Variants in ABCA3 observed in about 807,000 individuals in gnomAD.
ABCA3 encodes the protein ATP binding cassette subfamily A member 3.
A neutral mutation model predicts 172.8 loss-of-function variants in ABCA3; 88 were observed. The ratio of observed to expected loss-of-function variants is 0.51; its 90% CI spans 0.43 to 0.61. The LOEUF is 0.61. ABCA3 is among the 20% of genes least tolerant of loss of function. The pLI is 0.00. For synonymous variants in ABCA3, 1,066 were observed against 983.8 expected (o/e 1.08, Z -1.56); for missense variants, 2,164 against 2,301.0 (o/e 0.94, Z 1.22).
chr16:2,317,714 C>G lies in ABCA3; in HGVS notation c.924G>C (p.Trp308Cys). The G allele has an allele frequency of 6.2e-7, 1 of 1,614,250 alleles. No homozygotes were observed. Among genetic ancestry groups the G allele is most frequent in the South Asian group, 1.1e-5 (1 of 91,090 alleles). The change falls in exon 9 of 33, where the codon TGG (tryptophan) becomes TGC (cysteine). Residue 308 changes from tryptophan to cysteine, a missense_variant. Physicochemically the swap from Trp to Cys is radical, Grantham distance 215. Transcript: ENST00000301732. The part of the protein sequence containing the change: ...GLSSWLHWSA[W>C]FLLFFLFLLI... ...GGAGGAAGAGGAAGAACAAGAGGAA[C>G]CAGGCACTCCAGTGCAGCCAGCTGC...
At position 2,278,931 on chromosome 16, in the gene ABCA3, C is replaced by T. The variant is rs1157792853; in HGVS notation, c.4547+12G>A. Reference sequence around the variant, plus strand: ...CTCCACTCTGGGAAGGGCCAGGGCTCGGGAGGTGCACCTGTACGTCCTGAC... The same window carrying T: ...CTCCACTCTGGGAAGGGCCAGGGCTTGGGAGGTGCACCTGTACGTCCTGAC... On this transcript the variant is annotated intron_variant, in intron 29 of 32. Transcript: ENST00000301732. The surrounding 1 kb of genome is among the most constrained non-coding windows in gnomAD (Gnocchi z 4.4). 5 of 1,613,224 alleles carry T rather than the reference C, an allele frequency of 3.1e-6. No homozygotes were observed. The highest frequency in any genetic ancestry group is 1.3e-5 in the African/African-American group (1 of 74,920).
intron 3 of ABCA3, 110 bp from the exon 4 acceptor site, chr16:2,326,602 T>G: frequency 1.6e-6 from 2 of 1,224,200 alleles, no homozygotes; most frequent in South Asian, 1.3e-5. Context: ...CACCTTCTTT[T>G]GTGCCACTTT....
intron 8 of ABCA3, among the ~76,000 whole-genome samples, chr16:2,319,047 T>G (rs988855264): frequency 6.6e-6 from 1 of 152,048 alleles, no homozygotes; most frequent in African/African-American, 2.4e-5. Flanking sequence ...ACCAAGCAGA[T>G]GAACAACTGG....
intron 1 of ABCA3, among the ~76,000 whole-genome samples, chr16:2,331,585 T>G (rs1227074757): frequency 6.6e-6 from 1 of 152,234 alleles, no homozygotes; most frequent in African/African-American, 2.4e-5. Flanking sequence ...AACACTACGC[T>G]TGCATCTGTT....
intron 10 of ABCA3, among the ~76,000 whole-genome samples, chr16:2,313,144 T>A (rs1261952992): frequency 6.6e-6 from 1 of 152,170 alleles, no homozygotes; most frequent in Non-Finnish European, 1.5e-5. Flanking sequence ...GTGATAAGTA[T>A]GGCTTGGTGT....
At chr16:2,325,919 G>T (rs2093733453) in intron 5 of ABCA3, 91 bp downstream of exon 5, 2 of 1,578,446 alleles carry the variant, frequency 1.3e-6, no homozygotes, top group South Asian at 1.1e-5. Context: ...TCCTCACCCA[G>T]CTGCTTCGCA....
chr16:2,321,397 C>T (rs915874206), intron 7 of ABCA3, among the ~76,000 whole-genome samples: 2 of 152,308 alleles, frequency 1.3e-5, no homozygotes, highest in African/African-American at 4.8e-5. Context: ...CATCGCTAAG[C>T]GCTGGCTGCA....
intron 10 of ABCA3, 24 bp downstream of exon 10, chr16:2,317,259 C>A: frequency 1.2e-6 from 2 of 1,613,700 alleles, no homozygotes; most frequent in Non-Finnish European, 1.7e-6. Flanking sequence ...GGCAACCCCA[C>A]TCTGCCCCAT....
chr16:2,279,223 A>G lies in ABCA3; in HGVS notation c.4360-93T>C. On this transcript the variant is annotated intron_variant, in intron 28 of 32. Transcript: ENST00000301732. The surrounding 1 kb of genome is among the most constrained non-coding windows in gnomAD (Gnocchi z 4.4). ...GGGGACTACCCTTGAGGTGCCCACC[A>G]CTGCGCCTGTCTGTGGTTCCTGCCA... The G allele has an allele frequency of 7.0e-7, 1 of 1,437,900 alleles. No individual in the cohort carries two copies. The highest frequency in any genetic ancestry group is 9.5e-7 in the Non-Finnish European group (1 of 1,050,522). 89.1% of individuals were successfully genotyped at this position (1,437,900 alleles called of 1,614,324 possible). A position where few individuals can be genotyped will look rare whatever the true frequency, so the allele number is the denominator to read the frequency against.
intron 1 of ABCA3, among the ~76,000 whole-genome samples, chr16:2,340,315 C>G (rs2093758731): frequency 6.6e-6 from 1 of 152,020 alleles, no homozygotes; most frequent in African/African-American, 2.4e-5. Flanking sequence ...GTGCGGGACA[C>G]GCCCAAGGCT....
rs1312504425 is a variant in ABCA3, at chr16:2,276,229, C to T, written c.*445G>A. 6.7e-6 allele frequency: 3 copies of T among 445,384 alleles called. No individual in the cohort carries two copies. Among genetic ancestry groups the T allele is most frequent in the Non-Finnish European group, 1.4e-5 (3 of 220,660 alleles). 27.6% of individuals were successfully genotyped at this position (445,384 alleles called of 1,614,324 possible). A position where few individuals can be genotyped will look rare whatever the true frequency, so the allele number is the denominator to read the frequency against. The stretch of plus-strand genomic sequence containing the variant: ...GATCTGCATGGTCCATTCCTGGCGG[C>T]CTGGGGGCCTCGCTACAGTTCAACC... On this transcript the variant is annotated 3_prime_UTR_variant, in exon 33 of 33. Transcript: ENST00000301732.
chr16:2,304,187 C>G, intron 11 of ABCA3, 37 bp from the exon 12 acceptor site: 1 of 1,613,476 alleles, frequency 6.2e-7, no homozygotes, highest in Non-Finnish European at 8.5e-7. Flanking sequence ...CGAAAGCCAG[C>G]AGGCTGGGGG....
At position 2,279,024 on chromosome 16, in the gene ABCA3, C is replaced by G; in HGVS notation, c.4466G>C (p.Arg1489Pro). ...GTTCTCCACGCAGGCCCCGATGTGG[C>G]GCTCAGGGATGCCCCGGAGCCGAGC... ...MYARLRGIPE[R>P]HIGACVENTL... Residue 1489 changes from arginine to proline, a missense_variant, in exon 29 of 33, where the codon CGC (arginine) becomes CCC (proline). Arg to Pro is a moderately radical substitution (Grantham distance 103). This residue lies in a region of ABCA3 where 795 missense variants were observed against 881.9 expected (regional missense o/e 0.90). Transcript: ENST00000301732. The surrounding 1 kb of genome is among the most constrained non-coding windows in gnomAD (Gnocchi z 4.4). 6.2e-7 allele frequency: 1 copy of G among 1,613,524 alleles called. No homozygotes were observed. Among genetic ancestry groups the G allele is most frequent in the South Asian group, 1.1e-5 (1 of 91,080 alleles).
At chr16:2,299,666 G>A in intron 13 of ABCA3, 134 bp from the exon 14 acceptor site, 1 of 1,409,438 alleles carries the variant, frequency 7.1e-7, no homozygotes, top group Non-Finnish European at 9.9e-7. Flanking sequence ...AGAGGGGAGG[G>A]ACGTTTCGGG....
At position 2,298,683 on chromosome 16, in the gene ABCA3, C is replaced by A. The variant is rs930965687; in HGVS notation, c.1742-143G>T. The A allele has an allele frequency of 3.1e-6, 3 of 976,832 alleles. No homozygotes were observed. In the African/African-American group the frequency reaches 4.9e-5, roughly 16 times the overall value. 60.5% of individuals were successfully genotyped at this position (976,832 alleles called of 1,614,324 possible). On this transcript the variant is annotated intron_variant, in intron 14 of 32. Coordinates refer to ENST00000301732, the MANE Select transcript of ABCA3 (RefSeq NM_001089.3). ...GAGAGGGCACGGAACCCCACTCCCA[C>A]TGGGGTGGGCTTTGGCTGGGCCAGT...
In ABCA3 at chr16:2,288,063, T is replaced by A; in HGVS notation, c.2967A>T (p.Ala989=). 6.2e-7 allele frequency: 1 copy of A among 1,612,252 alleles called. No individual in the cohort carries two copies. Among genetic ancestry groups the A allele is most frequent in the Non-Finnish European group, 8.5e-7 (1 of 1,180,014 alleles). Residue 989 remains alanine (A), a synonymous_variant, in exon 21 of 33, where the codon GCA becomes GCT. Transcript: ENST00000301732. Reference sequence around the variant, plus strand: ...GGGGCTCCTGTCCCTCAGCCTGCAGTGCGTCTTTCAGATGCTCTGACAGCT... The same window carrying A: ...GGGGCTCCTGTCCCTCAGCCTGCAGAGCGTCTTTCAGATGCTCTGACAGCT... ...GQQLSEHLKD[A]LQAEGQEPRE...
At position 2,279,592 on chromosome 16, in the gene ABCA3, C is replaced by T. The variant is rs943668317; in HGVS notation, c.4360-462G>A. Among the ~76,000 whole-genome samples, 1 of 152,180 alleles carries T rather than the reference C, an allele frequency of 6.6e-6. No homozygotes were observed. The highest frequency in any genetic ancestry group is 1.5e-5 in the Non-Finnish European group (1 of 68,038). On this transcript the variant is annotated intron_variant, in intron 28 of 32. Coordinates refer to ENST00000301732, the MANE Select transcript of ABCA3 (RefSeq NM_001089.3). The surrounding 1 kb of genome is among the most constrained non-coding windows in gnomAD (Gnocchi z 4.4). ...AGCAGCTGTTCTCTGCACAAGTGACCACGTCCAGCTGAATTAAGACGTGCC... is the reference window on the plus strand; with the variant it reads ...AGCAGCTGTTCTCTGCACAAGTGACTACGTCCAGCTGAATTAAGACGTGCC...
At chr16:2,303,927 C>T (rs1352013879) in intron 12 of ABCA3, 42 bp downstream of exon 12, 3 of 1,612,736 alleles carry the variant, frequency 1.9e-6, no homozygotes, top group East Asian at 2.2e-5. Context: ...CACCTCTGCA[C>T]TCAGAGAGGC....
intron 10 of ABCA3, among the ~76,000 whole-genome samples, chr16:2,313,770 C>A (rs1050649408): frequency 6.6e-6 from 1 of 151,556 alleles, no homozygotes; most frequent in East Asian, 1.9e-4. Context: ...TGGCGGGCGC[C>A]TGTAATCCCA....
Sources: gnomAD v4.1 joint callset for allele counts (sites outside exome capture counted in the v4.1 genomes callset) on GRCh38, gnomAD v4.1.1 for gene constraint, gnomAD v4.1.1 regional missense constraint, Gnocchi (gnomAD v3.1) non-coding constraint, MANE v1.5 for transcripts, NCBI Gene and HGNC (gene_info 2026-07-23, HGNC 2026-07-21) for gene names.